Variants in HDAC1 observed in about 807,000 individuals in gnomAD.
The protein encoded by HDAC1 is protein deacetylase HDAC1.
Under a neutral mutation model 65.5 loss-of-function variants are expected in HDAC1, and 18 were observed. That is an observed-to-expected ratio of 0.27 (90% CI 0.19 to 0.41). The LOEUF is 0.41. Ranked by LOEUF, HDAC1 falls within the 10% of genes least tolerant of loss-of-function variation. HDAC1 has a pLI of 1.00. For missense variants in HDAC1, 373 were observed against 625.2 expected (o/e 0.60, Z 4.30); for synonymous variants, 211 against 227.9 (o/e 0.93, Z 0.67).
At chr1:32,315,761 T>G (rs1328388191) in intron 2 of HDAC1, among the ~76,000 whole-genome samples, 1 of 136,742 alleles carries the variant, frequency 7.3e-6, no homozygotes, top group Admixed American at 7.2e-5. Context: ...AGGTCAGGAG[T>G]TCGAGACCAT....
intron 2 of HDAC1, among the ~76,000 whole-genome samples, chr1:32,307,903 A>G (rs1433185918): frequency 6.6e-6 from 1 of 152,244 alleles, no homozygotes. Context: ...GAAAAGCTCT[A>G]TACCTCTCTA....
chr1:32,311,569 T>C (rs1025146708), intron 2 of HDAC1, among the ~76,000 whole-genome samples: 1 of 151,654 alleles, frequency 6.6e-6, no homozygotes, highest in Non-Finnish European at 1.5e-5. Context: ...AAAAATAGGG[T>C]AGTAGATGCA....
chr1:32,312,715 G>A (rs757022587), intron 2 of HDAC1, among the ~76,000 whole-genome samples: 17 of 151,020 alleles, frequency 1.1e-4, no homozygotes, highest in Non-Finnish European at 1.9e-4. Flanking sequence ...TCGCTCTGTC[G>A]CCCAGGCTGG....
intron 1 of HDAC1, 46 bp from the exon 2 acceptor site, chr1:32,302,575 T>C (rs1227689005): frequency 1.1e-6 from 1 of 912,398 alleles, no homozygotes; most frequent in East Asian, 2.4e-5. Context: ...CTCCTGGTAG[T>C]GTATGCCTAA....
At chr1:32,301,122 AAGTCCTTGGATGAAGCTGGAAAGGCAGAT>A (rs1640841397) in intron 1 of HDAC1, among the ~76,000 whole-genome samples, 2 of 147,478 alleles carry the variant, frequency 1.4e-5, no homozygotes. Flanking sequence ...CAGGTTAAGA[AAGTCCTTGGATGAAGCTGGAAAGGCAGAT>A]TAAGAAAGTC....
At chr1:32,312,245 C>G (rs143374311) in intron 2 of HDAC1, among the ~76,000 whole-genome samples, 1 of 152,312 alleles carries the variant, frequency 6.6e-6, no homozygotes, top group East Asian at 1.9e-4. Context: ...GTACCCAGAG[C>G]CAGATCTCTG....
chr1:32,308,317 C>T (rs1023649085), intron 2 of HDAC1, among the ~76,000 whole-genome samples: 1 of 151,884 alleles, frequency 6.6e-6, no homozygotes, highest in African/African-American at 2.4e-5. Flanking sequence ...GAAACTCCGT[C>T]TCAAAAAAAA....
rs966363369 is a variant in HDAC1 at position 32,330,324 on chromosome 1, G to A, written c.730-254G>A. The A allele has an allele frequency of 6.5e-6, 3 of 463,230 alleles. No individual in the cohort carries two copies. Among genetic ancestry groups the A allele is most frequent in the Non-Finnish European group, 1.2e-5 (3 of 252,238 alleles). 28.7% of individuals were successfully genotyped at this position (463,230 alleles called of 1,614,324 possible). A position where few individuals can be genotyped will look rare whatever the true frequency, so the allele number is the denominator to read the frequency against. On this transcript the variant is annotated intron_variant, in intron 7 of 13. Coordinates refer to ENST00000373548, the MANE Select transcript of HDAC1 (RefSeq NM_004964.3). This position sits in a 1 kb window ranked among gnomAD's most constrained non-coding sequence, Gnocchi z 4.2. Reference sequence around the variant, plus strand: ...TTGGGCAACAGAAGAGACTTAGGGAGTTGAGAGGGAGGCCATTCTAGGTTC... The same window carrying A: ...TTGGGCAACAGAAGAGACTTAGGGAATTGAGAGGGAGGCCATTCTAGGTTC...
At position 32,333,205 on chromosome 1, in the gene HDAC1, G is replaced by C. The variant is rs1641323682; in HGVS notation, c.*161G>C. Reference sequence around the variant, plus strand: ...AAGGCCCCGAGCTCAGGGCAGCTGTGCTGGGTGAGCTCTTCCAGGAGCCAC... The same window carrying C: ...AAGGCCCCGAGCTCAGGGCAGCTGTCCTGGGTGAGCTCTTCCAGGAGCCAC... On this transcript the variant is annotated 3_prime_UTR_variant, in exon 14 of 14. Transcript: ENST00000373548. 1.8e-6 allele frequency: 1 copy of C among 546,386 alleles called. No homozygotes were observed. The highest frequency in any genetic ancestry group is 3.1e-6 in the Non-Finnish European group (1 of 318,802). 33.8% of individuals were successfully genotyped at this position (546,386 alleles called of 1,614,324 possible).
chr1:32,314,215 G>A (rs150012009), intron 2 of HDAC1, among the ~76,000 whole-genome samples: 3 of 152,082 alleles, frequency 2.0e-5, no homozygotes, highest in East Asian at 1.9e-4. Context: ...TTTTTGAGAC[G>A]GGGTCTTGCT....
At chr1:32,293,046 C>G (rs1262737407) in intron 1 of HDAC1, among the ~76,000 whole-genome samples, 1 of 152,160 alleles carries the variant, frequency 6.6e-6, no homozygotes, top group African/African-American at 2.4e-5. Flanking sequence ...TTTGGCCGGG[C>G]GTGGTGGCTC....
At chr1:32,313,436 T>C (rs187514389) in intron 2 of HDAC1, among the ~76,000 whole-genome samples, 258 of 152,250 alleles carry the variant, frequency 1.7e-3, no homozygotes, top group Admixed American at 3.3e-3. Context: ...AGGGTCTCAC[T>C]ATGTTGTCCA....
At chr1:32,293,375 A>G (rs1640724795) in intron 1 of HDAC1, among the ~76,000 whole-genome samples, 1 of 151,772 alleles carries the variant, frequency 6.6e-6, no homozygotes, top group African/African-American at 2.4e-5. Context: ...AGGGCTGGGC[A>G]TGCTGTCCCA....
chr1:32,332,917 C>A, intron 13 of HDAC1, 100 bp from the exon 14 acceptor site: 2 of 1,313,984 alleles, frequency 1.5e-6, no homozygotes, highest in South Asian at 1.2e-5. Flanking sequence ...GAGCCCCAGC[C>A]CCCAGTAGTC....
rs1641230721 is a variant in HDAC1 at position 32,327,222 on chromosome 1, T to A, written c.494+145T>A. ...TCGGTGAGTGTCTCTGGCCATCATC[T>A]CCTTGATGGGGTCTTGGTTTGATCT... On this transcript the variant is annotated intron_variant, in intron 5 of 13. Transcript: ENST00000373548. This position sits in a 1 kb window ranked among gnomAD's most constrained non-coding sequence, Gnocchi z 6.0. 1.3e-6 allele frequency: 1 copy of A among 757,786 alleles called. No individual in the cohort carries two copies. The highest frequency in any genetic ancestry group is 2.2e-6 in the Non-Finnish European group (1 of 462,424). 46.9% of individuals were successfully genotyped at this position (757,786 alleles called of 1,614,324 possible).
chr1:32,319,684 G>C (rs1344725457), intron 3 of HDAC1, among the ~76,000 whole-genome samples: 1 of 151,944 alleles, frequency 6.6e-6, no homozygotes, highest in African/African-American at 2.4e-5. Flanking sequence ...ATAGCTTGAG[G>C]CCAGGAGTTC....
chr1:32,332,581 T>C (rs946404244), intron 12 of HDAC1, 120 bp from the exon 13 acceptor site: 5 of 758,620 alleles, frequency 6.6e-6, no homozygotes, highest in Non-Finnish European at 1.1e-5. Context: ...AGGGATGGGC[T>C]TTTCTCTCTT....
rs1486004074 is a variant in HDAC1 at position 32,330,280 on chromosome 1, GA to G, written c.730-297del. The G allele has an allele frequency of 1.4e-5, 5 of 368,194 alleles. No homozygotes were observed. The East Asian group carries it at 2.9e-4, about 21-fold the overall frequency. The allele number at this position is 368,194 out of a possible 1,614,324, so 22.8% of individuals were successfully genotyped here. A position where few individuals can be genotyped will look rare whatever the true frequency, so the allele number is the denominator to read the frequency against. On this transcript the variant is annotated intron_variant, in intron 7 of 13. Coordinates refer to ENST00000373548, the MANE Select transcript of HDAC1 (RefSeq NM_004964.3). The surrounding 1 kb of genome is among the most constrained non-coding windows in gnomAD (Gnocchi z 4.2). Reference sequence around the variant, plus strand: ...AGCTAAAGGTCAGGAAGGCTTCCTGGAGGAAGTGGCACTAGAGCTTGGGCAA... The same window carrying G: ...AGCTAAAGGTCAGGAAGGCTTCCTGGGGAAGTGGCACTAGAGCTTGGGCAA...
intron 2 of HDAC1, among the ~76,000 whole-genome samples, chr1:32,314,957 T>C (rs1057167479): frequency 7.2e-5 from 11 of 152,232 alleles, no homozygotes; most frequent in Non-Finnish European, 1.5e-4. Context: ...AAGTTCTTGT[T>C]TATATCAATT....
Sources: allele counts gnomAD v4.1 joint callset (sites outside exome capture counted in the v4.1 genomes callset), GRCh38; gene constraint gnomAD v4.1.1; non-coding constraint Gnocchi (gnomAD v3.1); transcripts MANE v1.5; gene names NCBI Gene and HGNC (gene_info 2026-07-23, HGNC 2026-07-21).